The following PCDHGB1 variants were observed in gnomAD, a reference collection of about 807,000 sequenced individuals.
The protein encoded by PCDHGB1 is protocadherin gamma-B1.
Under a neutral mutation model 56.6 loss-of-function variants are expected in PCDHGB1, and 34 were observed. The ratio of observed to expected loss-of-function variants is 0.60; its 90% CI spans 0.46 to 0.80. The LOEUF is 0.80. PCDHGB1 is among the 30% of genes least tolerant of loss of function. The pLI is 0.00. For missense variants in PCDHGB1, 1,278 were observed against 1,204.6 expected, an observed-to-expected ratio of 1.06 and a Z score of -0.90; for synonymous variants, 561 against 505.9, an observed-to-expected ratio of 1.11 and a Z score of -1.46.
intron 1 of PCDHGB1, among the ~76,000 whole-genome samples, chr5:141,459,838 A>G (rs944807247): frequency 6.6e-6 from 1 of 152,098 alleles, no homozygotes; most frequent in Non-Finnish European, 1.5e-5. Flanking sequence ...TGTGTTGTCT[A>G]TTTGTATATC....
chr5:141,375,833 C>G, intron 1 of PCDHGB1: 1 of 1,614,152 alleles, frequency 6.2e-7, no homozygotes, highest in South Asian at 1.1e-5. Flanking sequence ...CTCCGCAGAG[C>G]CCGGCTACCT....
At chr5:141,433,273 A>T in intron 1 of PCDHGB1, 1 of 1,258,988 alleles carries the variant, frequency 7.9e-7, no homozygotes. Flanking sequence ...AGCTCACTGC[A>T]GCCTCAAACT....
rs774858191 is a variant in PCDHGB1 at position 141,413,689 on chromosome 5, C to T, written c.2409+61020C>T. On this transcript the variant is annotated intron_variant, in intron 1 of 3. Transcript: ENST00000523390. Reference sequence around the variant, plus strand: ...TCCGGATGTGGGCGTGAACTCCCTGCAGAGCTATCAGCTCAGCCCCAATAA... The same window carrying T: ...TCCGGATGTGGGCGTGAACTCCCTGTAGAGCTATCAGCTCAGCCCCAATAA... 6 of 1,613,800 alleles carry T rather than the reference C, an allele frequency of 3.7e-6. No individual in the cohort carries two copies. The Admixed American group carries it at 5.0e-5, about 13-fold the overall frequency.
At chr5:141,462,813 TTGG>T (rs1474162732) in intron 1 of PCDHGB1, among the ~76,000 whole-genome samples, 1 of 152,198 alleles carries the variant, frequency 6.6e-6, no homozygotes, top group African/African-American at 2.4e-5. Flanking sequence ...AATGTTTTTA[TTGG>T]ACAGCAGACA....
chr5:141,357,547 G>C, intron 1 of PCDHGB1: 1 of 1,614,214 alleles, frequency 6.2e-7, no homozygotes, highest in Non-Finnish European at 8.5e-7. Flanking sequence ...CATCAGCCGG[G>C]AGAGTTGTGA....
chr5:141,450,413 T>G (rs549247554), intron 1 of PCDHGB1, among the ~76,000 whole-genome samples: 1 of 152,334 alleles, frequency 6.6e-6, no homozygotes, highest in African/African-American at 2.4e-5. Context: ...GCCATTTGTC[T>G]TGTATAATGC....
intron 1 of PCDHGB1, among the ~76,000 whole-genome samples, chr5:141,368,858 A>G (rs1283174672): frequency 6.6e-6 from 1 of 152,158 alleles, no homozygotes; most frequent in Non-Finnish European, 1.5e-5. Context: ...TTGCTTTGGA[A>G]TGTTTTGGAG....
intron 1 of PCDHGB1, chr5:141,388,574 T>C (rs372294800): frequency 6.2e-7 from 1 of 1,613,724 alleles, no homozygotes; most frequent in East Asian, 2.2e-5. Flanking sequence ...AGATACACGT[T>C]CTAGTGACTG....
At chr5:141,413,369 A>G (rs767278842) in intron 1 of PCDHGB1, 1 of 1,613,964 alleles carries the variant, frequency 6.2e-7, no homozygotes, top group South Asian at 1.1e-5. Context: ...GAGCTGGCGG[A>G]GCGCGGAGTC....
intron 1 of PCDHGB1, chr5:141,364,768 G>C: frequency 6.2e-7 from 1 of 1,613,956 alleles, no homozygotes; most frequent in Non-Finnish European, 8.5e-7. Context: ...ATGAAAATGC[G>C]GCTGCAGGGA....
chr5:141,476,562 C>A lies in PCDHGB1; in HGVS notation c.2410-18245C>A. On this transcript the variant is annotated intron_variant, in intron 1 of 3. Transcript: ENST00000523390. This position sits in a 1 kb window ranked among gnomAD's most constrained non-coding sequence, Gnocchi z 7.6. ...AAATTGGAGATTAGCGAGGCCGTGG[C>A]TCCGGGGACGCGCTTTCCGCTCGAG... 1 of 1,614,218 alleles carries A rather than the reference C, an allele frequency of 6.2e-7. No homozygotes were observed. The highest frequency in any genetic ancestry group is 8.5e-7 in the Non-Finnish European group (1 of 1,180,034).
chr5:141,360,527 C>A, intron 1 of PCDHGB1: 1 of 1,613,910 alleles, frequency 6.2e-7, no homozygotes, highest in Non-Finnish European at 8.5e-7. Flanking sequence ...GATAATACCC[C>A]GCTATTCAAA....
intron 1 of PCDHGB1, chr5:141,421,770 G>A: frequency 6.2e-7 from 1 of 1,613,856 alleles, no homozygotes; most frequent in Non-Finnish European, 8.5e-7. Context: ...ACTTTTCCTT[G>A]CAACTGCGGG....
At chr5:141,444,804 A>G (rs140326088) in intron 1 of PCDHGB1, among the ~76,000 whole-genome samples, 1 of 152,250 alleles carries the variant, frequency 6.6e-6, no homozygotes, top group Non-Finnish European at 1.5e-5. Flanking sequence ...TCTTTTACTA[A>G]TAGCACACTG....
chr5:141,432,949 C>A lies in PCDHGB1; in HGVS notation c.2410-61858C>A, dbSNP rs764998032. ...CACGCCTGCTGCAGGCTTCAGGAGG[C>A]GGCTTGACAGGAGCGCCGGCGTCGC... On this transcript the variant is annotated intron_variant, in intron 1 of 3. Transcript: ENST00000523390. This position sits in a 1 kb window ranked among gnomAD's most constrained non-coding sequence, Gnocchi z 6.0. The A allele has an allele frequency of 1.9e-6, 3 of 1,614,184 alleles. No homozygotes were observed. The highest frequency in any genetic ancestry group is 2.5e-6 in the Non-Finnish European group (3 of 1,180,040).
chr5:141,426,629 T>G (rs1384012221), intron 1 of PCDHGB1: 4 of 397,284 alleles, frequency 1.0e-5, no homozygotes, highest in South Asian at 7.2e-5. Context: ...CTCTAAATGT[T>G]TTTCACATAA....
chr5:141,478,623 GT>G (rs1337268572), intron 1 of PCDHGB1: 14 of 1,554,358 alleles, frequency 9.0e-6, no homozygotes, highest in African/African-American at 1.4e-5. Context: ...GAATGGAGCT[GT>G]TTTTTTAGTG....
intron 1 of PCDHGB1, chr5:141,428,221 G>T (rs1314522513): frequency 1.0e-5 from 12 of 1,177,166 alleles, no homozygotes; most frequent in East Asian, 4.9e-5. Context: ...CCTAGTCTTC[G>T]CAGACAGCCT....
intron 1 of PCDHGB1, among the ~76,000 whole-genome samples, chr5:141,368,609 A>T (rs917384420): frequency 1.3e-5 from 2 of 152,154 alleles, no homozygotes; most frequent in African/African-American, 4.8e-5. Context: ...AAGGTTATAG[A>T]TTTGGGTACA....
Sources: allele counts gnomAD v4.1 joint callset (sites outside exome capture counted in the v4.1 genomes callset), GRCh38; gene constraint gnomAD v4.1.1; non-coding constraint Gnocchi (gnomAD v3.1); transcripts MANE v1.5; gene names NCBI Gene and HGNC (gene_info 2026-07-23, HGNC 2026-07-21).